GABRB3: variants seen among roughly 807,000 people sequenced by gnomAD.
The protein encoded by GABRB3 is gamma-aminobutyric acid receptor subunit beta-3.
Under a neutral mutation model 52.1 loss-of-function variants are expected in GABRB3, and 14 were observed. The ratio of observed to expected loss-of-function variants is 0.27; its 90% confidence interval spans 0.18 to 0.42. GABRB3 has a LOEUF of 0.42. Among genes scored for constraint, GABRB3 ranks in the 10% least tolerant of loss-of-function variants. The pLI is 1.00. For synonymous variants in GABRB3, 260 were observed against 232.3 expected, an observed-to-expected ratio of 1.12 and a Z score of -1.08; for missense variants, 307 against 609.1, an observed-to-expected ratio of 0.50 and a Z score of 5.22.
rs564620243 is a variant in GABRB3, at chr15:26,564,423, G to T, written c.835+3158C>A. The stretch of plus-strand genomic sequence containing the variant: ...TGCTGAAGCCCACAGAGCAGCCGAG[G>T]AGCACGGCTGTCTGAAGAGCCAGCA... On this transcript the variant is annotated intron_variant, in intron 7 of 8. Transcript: ENST00000311550. Among the ~76,000 whole-genome samples, 3 of 152,258 alleles carry T rather than the reference G, an allele frequency of 2.0e-5. No individual in the cohort carries two copies. In the South Asian group the frequency reaches 6.2e-4, roughly 32 times the overall value.
chr15:26,772,776 G>C lies in GABRB3; in HGVS notation c.81-4C>G, dbSNP rs1223039173. The stretch of plus-strand genomic sequence containing the variant: ...CATGTTCCCGGGATCGTTCACACTG[G>C]GGGAGGGACGGGGAGCACAAAGAGC... On this transcript the variant is annotated splice_polypyrimidine_tract_variant and splice_region_variant and intron_variant, in intron 1 of 8. Transcript: ENST00000311550. The C allele has an allele frequency of 7.1e-6, 11 of 1,542,876 alleles. No individual in the cohort carries two copies. The African/African-American group carries it at 8.5e-5, about 12-fold the overall frequency.
chr15:26,580,750 C>T (rs1890759469), intron 5 of GABRB3: 2 of 471,464 alleles, frequency 4.2e-6, no homozygotes, highest in African/African-American at 2.0e-5. Flanking sequence ...CCAGACACCA[C>T]ACAGAGATGA....
chr15:26,628,348 G>T (rs902235009), intron 3 of GABRB3, among the ~76,000 whole-genome samples: 2 of 152,230 alleles, frequency 1.3e-5, no homozygotes, highest in African/African-American at 4.8e-5. Context: ...ACTTGGGGGA[G>T]GCGAAGATGA....
At position 26,621,427 on chromosome 15, in the gene GABRB3, T is replaced by G. The variant is rs758378648; in HGVS notation, c.348A>C (p.Leu116=). The G allele has an allele frequency of 6.2e-7, 1 of 1,614,178 alleles. No individual in the cohort carries two copies. The highest frequency in any genetic ancestry group is 2.2e-5 in the East Asian group (1 of 44,876). The change falls in exon 4 of 9, where the codon CTA becomes CTC. Residue 116 remains leucine, a synonymous_variant. Coordinates refer to ENST00000311550, the MANE Select transcript of GABRB3 (RefSeq NM_000814.6). This position sits in a 1 kb window ranked among gnomAD's most constrained non-coding sequence, Gnocchi z 4.1. Reference sequence around the variant, plus strand: ...TTAAGAAATATGTGTCGGGCACCCATAGCTGGTCAGCCACTCGATTGTCAA... The same window carrying G: ...TTAAGAAATATGTGTCGGGCACCCAGAGCTGGTCAGCCACTCGATTGTCAA... ...LTLDNRVADQ[L]WVPDTYFLND...
At chr15:26,702,871 T>G (rs1888980452) in intron 3 of GABRB3, among the ~76,000 whole-genome samples, 1 of 152,196 alleles carries the variant, frequency 6.6e-6, no homozygotes, top group African/African-American at 2.4e-5. Context: ...ATACCATCTC[T>G]CAAATAGATG....
At chr15:26,548,210 G>T in intron 8 of GABRB3, 76 bp from the exon 9 acceptor site, 1 of 1,118,098 alleles carries the variant, frequency 8.9e-7, no homozygotes, top group Non-Finnish European at 1.4e-6. Context: ...ACAGAATGAT[G>T]TCATGCCATC....
chr15:26,682,816 G>A (rs1172561089), intron 3 of GABRB3, among the ~76,000 whole-genome samples: 6 of 152,296 alleles, frequency 3.9e-5, no homozygotes, highest in Non-Finnish European at 8.8e-5. Context: ...CTGCCCCTCT[G>A]TTCAGGGCCA....
chr15:26,698,017 G>A (rs28575632), intron 3 of GABRB3, among the ~76,000 whole-genome samples: 3,638 of 152,258 alleles, frequency 0.024, 141 homozygotes, highest in African/African-American at 0.083. Flanking sequence ...GCTGATCAAA[G>A]GAGTCCCAGC....
At chr15:26,643,835 G>C (rs1004973930) in intron 3 of GABRB3, among the ~76,000 whole-genome samples, 1 of 152,220 alleles carries the variant, frequency 6.6e-6, no homozygotes, top group African/African-American at 2.4e-5. Flanking sequence ...TCATAGTCTA[G>C]CAAAGACCAA....
intron 3 of GABRB3, among the ~76,000 whole-genome samples, chr15:26,693,701 G>A (rs540366185): frequency 6.6e-6 from 1 of 152,330 alleles, no homozygotes; most frequent in East Asian, 1.9e-4. Context: ...GAGAGAGAGA[G>A]AGAGAGATAG....
At chr15:26,674,400 C>CAAAAAAA (rs55723767) in intron 3 of GABRB3, among the ~76,000 whole-genome samples, 17 of 86,754 alleles carry the variant, frequency 2.0e-4, no homozygotes, top group African/African-American at 3.8e-4. Context: ...GACTCAGTTT[C>CAAAAAAA]AAAAAAAAAA....
chr15:26,606,803 TC>T (rs1464529436), intron 4 of GABRB3, among the ~76,000 whole-genome samples: 1 of 113,916 alleles, frequency 8.8e-6, no homozygotes, highest in Non-Finnish European at 1.8e-5. Flanking sequence ...GATAGATATA[TC>T]TATAGATAGA....
intron 3 of GABRB3, among the ~76,000 whole-genome samples, chr15:26,760,615 T>C (rs1261474026): frequency 6.6e-6 from 1 of 152,158 alleles, no homozygotes; most frequent in Non-Finnish European, 1.5e-5. Flanking sequence ...TCAAACTTTA[T>C]CTTTATTTTA....
intron 3 of GABRB3, among the ~76,000 whole-genome samples, chr15:26,719,956 G>A (rs917971234): frequency 2.6e-5 from 4 of 152,162 alleles, no homozygotes; most frequent in African/African-American, 9.7e-5. Context: ...ATGGCCTGAA[G>A]TCACTGAAGA....
chr15:26,643,884 A>T (rs1893280429), intron 3 of GABRB3, among the ~76,000 whole-genome samples: 1 of 152,252 alleles, frequency 6.6e-6, no homozygotes, highest in African/African-American at 2.4e-5. Flanking sequence ...CTCAACAAGT[A>T]CTTGTGTAGC....
In GABRB3 at chr15:26,624,441, G is replaced by A. The variant is rs371370596; in HGVS notation, c.241-2907C>T. The stretch of plus-strand genomic sequence containing the variant: ...TCTCAGAGTCCCTCCGGATGGGCTC[G>A]CACATGGCTTGCCACAAGAAGGGAG... On this transcript the variant is annotated intron_variant, in intron 3 of 8. Transcript: ENST00000311550. 1.4e-4 allele frequency: 140 copies of A among 985,444 alleles called. 1 individual carries two copies. The South Asian group carries it at 5.2e-3, about 37-fold the overall frequency. 61.0% of individuals were successfully genotyped at this position (985,444 alleles called of 1,614,324 possible). A position where few individuals can be genotyped will look rare whatever the true frequency, so the allele number is the denominator to read the frequency against.
intron 6 of GABRB3, among the ~76,000 whole-genome samples, chr15:26,576,680 C>A (rs1890605274): frequency 6.6e-6 from 1 of 152,046 alleles, no homozygotes; most frequent in Non-Finnish European, 1.5e-5. Flanking sequence ...GTTTCAGATA[C>A]CTGCAGTTTT....
At chr15:26,562,049 A>G (rs559651893) in intron 7 of GABRB3, among the ~76,000 whole-genome samples, 2 of 152,320 alleles carry the variant, frequency 1.3e-5, no homozygotes, top group Non-Finnish European at 1.5e-5. Flanking sequence ...TGTGTGGACC[A>G]TGTATTGCAA....
intron 3 of GABRB3, among the ~76,000 whole-genome samples, chr15:26,688,641 G>A (rs1226534480): frequency 6.6e-6 from 1 of 152,152 alleles, no homozygotes; most frequent in Non-Finnish European, 1.5e-5. Context: ...TGTCCATCTG[G>A]AGTTCAACCA....
Sources: gnomAD v4.1 joint callset for allele counts (sites outside exome capture counted in the v4.1 genomes callset) on GRCh38, gnomAD v4.1.1 for gene constraint, Gnocchi (gnomAD v3.1) non-coding constraint, MANE v1.5 for transcripts, NCBI Gene and HGNC (gene_info 2026-07-23, HGNC 2026-07-21) for gene names.